The following SORCS2 variants were observed in gnomAD, a reference collection of about 807,000 sequenced individuals.
SORCS2 encodes VPS10 domain-containing receptor SorCS2.
SORCS2 carries 100 observed loss-of-function variants against 141.6 expected under a neutral mutation model. That is an observed-to-expected ratio of 0.71 (90% CI 0.60 to 0.83). SORCS2 has a LOEUF of 0.83. Ranked by LOEUF, SORCS2 falls within the 40% of genes least tolerant of loss-of-function variation. SORCS2 has a pLI of 0.00. For synonymous variants in SORCS2, 789 were observed against 676.9 expected (o/e 1.17, Z -2.57); for missense variants, 1,646 against 1,560.2 (o/e 1.05, Z -0.93).
At chr4:7,243,145 A>G (rs947114382) in intron 1 of SORCS2, among the ~76,000 whole-genome samples, 2 of 152,124 alleles carry the variant, frequency 1.3e-5, no homozygotes, top group African/African-American at 2.4e-5. Context: ...CCATCCACGC[A>G]CAAGCTCTGG....
chr4:7,716,808 G>A (rs1726226970), intron 17 of SORCS2, among the ~76,000 whole-genome samples: 1 of 152,208 alleles, frequency 6.6e-6, no homozygotes, highest in Non-Finnish European at 1.5e-5. Context: ...TGTCTGAAGT[G>A]TCAGAGCCAG....
chr4:7,454,370 G>A (rs1240021026), intron 2 of SORCS2, among the ~76,000 whole-genome samples: 2 of 130,454 alleles, frequency 1.5e-5, no homozygotes, highest in African/African-American at 3.0e-5. Context: ...GTCAGGAGCT[G>A]TGTGTTGGGG....
intron 2 of SORCS2, among the ~76,000 whole-genome samples, chr4:7,412,997 C>A (rs1033927974): frequency 2.6e-5 from 4 of 152,124 alleles, no homozygotes; most frequent in African/African-American, 9.7e-5. Flanking sequence ...AATCCACATC[C>A]ACGAGGCATC....
intron 2 of SORCS2, among the ~76,000 whole-genome samples, chr4:7,403,997 A>ATATATATATATATTTT (rs1265288820): frequency 3.7e-4 from 7 of 18,996 alleles, no homozygotes; most frequent in Non-Finnish European, 7.5e-4. Flanking sequence ...ATATATATAT[A>ATATATATATATATTTT]TTTTTTTTTT....
chr4:7,520,540 A>G (rs1733263313), intron 2 of SORCS2, among the ~76,000 whole-genome samples: 1 of 152,176 alleles, frequency 6.6e-6, no homozygotes, highest in African/African-American at 2.4e-5. Flanking sequence ...CACAGCCCCC[A>G]GCACCAGTGG....
chr4:7,195,664 G>T (rs190625228), intron 1 of SORCS2, among the ~76,000 whole-genome samples: 4 of 152,328 alleles, frequency 2.6e-5, no homozygotes, highest in Non-Finnish European at 5.9e-5. Flanking sequence ...AGTGCTTGTT[G>T]CATGCGTAGT....
At chr4:7,556,520 C>T (rs1333937925) in intron 3 of SORCS2, among the ~76,000 whole-genome samples, 1 of 152,072 alleles carries the variant, frequency 6.6e-6, no homozygotes, top group African/African-American at 2.4e-5. Flanking sequence ...ATGGAAAGAC[C>T]CAGGAGGCTG....
chr4:7,269,765 T>C (rs1259639009), intron 1 of SORCS2, among the ~76,000 whole-genome samples: 1 of 152,228 alleles, frequency 6.6e-6, no homozygotes, highest in African/African-American at 2.4e-5. Flanking sequence ...GTGATACTGA[T>C]TTGGGACCTC....
chr4:7,479,793 G>C (rs367883885), intron 2 of SORCS2, among the ~76,000 whole-genome samples: 5 of 152,382 alleles, frequency 3.3e-5, no homozygotes, highest in Admixed American at 6.5e-5. Flanking sequence ...TGAATGTCCA[G>C]TGGTGGGTGC....
chr4:7,263,300 T>C (rs1444348509), intron 1 of SORCS2, among the ~76,000 whole-genome samples: 1 of 152,158 alleles, frequency 6.6e-6, no homozygotes, highest in African/African-American at 2.4e-5. Flanking sequence ...GACTGAGAGT[T>C]GGGAGGCTGA....
At chr4:7,346,526 A>T (rs1250405354) in intron 1 of SORCS2, among the ~76,000 whole-genome samples, 3 of 152,204 alleles carry the variant, frequency 2.0e-5, no homozygotes, top group Non-Finnish European at 4.4e-5. Flanking sequence ...TATTGGGTGG[A>T]GTATTTTATA....
intron 3 of SORCS2, among the ~76,000 whole-genome samples, chr4:7,588,415 T>C (rs1716684361): frequency 6.6e-6 from 1 of 152,184 alleles, no homozygotes; most frequent in South Asian, 2.1e-4. Flanking sequence ...ACATTTCTCC[T>C]TGGGGGCTGG....
At chr4:7,323,718 C>T (rs1719053173) in intron 1 of SORCS2, among the ~76,000 whole-genome samples, 1 of 152,060 alleles carries the variant, frequency 6.6e-6, no homozygotes, top group African/African-American at 2.4e-5. Context: ...CTCCTGGGGT[C>T]AGGTCCTGGT....
intron 4 of SORCS2, among the ~76,000 whole-genome samples, chr4:7,649,851 A>T (rs1039948089): frequency 1.6e-4 from 24 of 152,130 alleles, no homozygotes; most frequent in Admixed American, 1.1e-3. Context: ...GACATCCATG[A>T]TGTCGTTGGT....
rs537032722 is a variant in SORCS2 at position 7,699,406 on chromosome 4, C to T, written c.1668+2132C>T. On this transcript the variant is annotated intron_variant, in intron 12 of 26. Coordinates refer to ENST00000507866, the MANE Select transcript of SORCS2 (RefSeq NM_020777.3). ...GGATGCAGCATCGCCCTCCTGCCCA[C>T]GCTTGGAGAGGAGGGTGGCTGGGGC... 3.3e-5 allele frequency among the ~76,000 whole-genome samples: 5 copies of T among 152,310 alleles called. No individual in the cohort carries two copies. The South Asian group carries it at 6.2e-4, about 19-fold the overall frequency.
At chr4:7,449,772 G>C (rs758211744) in intron 2 of SORCS2, among the ~76,000 whole-genome samples, 33 of 151,998 alleles carry the variant, frequency 2.2e-4, no homozygotes, top group Non-Finnish European at 4.0e-4. Flanking sequence ...CTCGGAAATC[G>C]CTCCAGTGTT....
chr4:7,408,386 GT>G lies in SORCS2; in HGVS notation c.548+12041del, dbSNP rs148455545. On this transcript the variant is annotated intron_variant, in intron 2 of 26. Transcript: ENST00000507866. ...CTGGCTATAGTATTCTTGGATGACA[GT>G]TTTTTTTTTCTTTTAGCACTTTGAA... 3.3e-3 allele frequency among the ~76,000 whole-genome samples: 500 copies of G among 149,968 alleles called. 4 individuals carry two copies. The highest frequency in any genetic ancestry group is 0.011 in the African/African-American group (449 of 40,954).
intron 1 of SORCS2, among the ~76,000 whole-genome samples, chr4:7,215,562 G>T (rs918883302): frequency 6.6e-6 from 1 of 152,256 alleles, no homozygotes; most frequent in African/African-American, 2.4e-5. Context: ...GCCCCGGTGC[G>T]GGATCCACTG....
intron 2 of SORCS2, among the ~76,000 whole-genome samples, chr4:7,530,449 A>G (rs1012291358): frequency 2.6e-5 from 4 of 152,188 alleles, no homozygotes; most frequent in South Asian, 2.1e-4. Context: ...GGGAAGCCCC[A>G]CAAGGCATGC....
Sources: allele counts gnomAD v4.1 joint callset (sites outside exome capture counted in the v4.1 genomes callset), GRCh38; gene constraint gnomAD v4.1.1; transcripts MANE v1.5; gene names NCBI Gene and HGNC (gene_info 2026-07-23, HGNC 2026-07-21).